PAGE1: variants seen among roughly 807,000 people sequenced by gnomAD.
PAGE1 encodes PAGE family member 1.
A neutral mutation model predicts 11.5 loss-of-function variants in PAGE1; 6 were observed. That is an observed-to-expected ratio of 0.52 (90% confidence interval 0.29 to 1.03). The LOEUF (loss-of-function observed/expected upper bound fraction) is 1.03, where lower values mean the gene tolerates loss of function less well. PAGE1 is among the 50% of genes least tolerant of loss of function. The pLI is 0.09. For missense variants in PAGE1, 120 were observed against 110.2 expected (o/e 1.09, Z -0.40); for synonymous variants, 42 against 40.2 (o/e 1.05, Z -0.17).
intron 5 of PAGE1, among the ~76,000 whole-genome samples, chrX:49,688,775 G>A (rs782359891): frequency 8.9e-6 from 1 of 112,006 alleles, no homozygotes; most frequent in Non-Finnish European, 1.9e-5. Flanking sequence ...ACCTGCATCC[G>A]TGCTTCAGCA....
Position 49,689,964 on chromosome X carries a change from T to G in PAGE1, c.293-421A>C, listed in dbSNP as rs188024220. 6.6e-3 allele frequency among the ~76,000 whole-genome samples: 385 copies of G among 58,471 alleles called. 29 individuals carry two copies. The highest frequency in any genetic ancestry group is 0.041 in the East Asian group (47 of 1,157). 50.8% of individuals were successfully genotyped at this position (58,471 alleles called of 115,157 possible). On this transcript the variant is annotated intron_variant, in intron 4 of 5. Transcript: ENST00000376150. ...ATGTGTGTATATACACACATATATA[T>G]GTGTATATATATGTGTGTATATACA...
intron 5 of PAGE1, among the ~76,000 whole-genome samples, chrX:49,689,109 G>A (rs1212258397): frequency 9.0e-6 from 1 of 111,175 alleles, no homozygotes; most frequent in Non-Finnish European, 1.9e-5. Context: ...AGTAGGCTGA[G>A]GTGGGTGGAT....
chrX:49,690,935 T>A (rs1342991873), intron 4 of PAGE1, among the ~76,000 whole-genome samples: 1 of 111,004 alleles, frequency 9.0e-6, no homozygotes, highest in East Asian at 2.8e-4. Context: ...CTCAGGACTT[T>A]GGGAGGCTAA....
chrX:49,695,086 C>T (rs1346822946), intron 1 of PAGE1, among the ~76,000 whole-genome samples: 2 of 112,896 alleles, frequency 1.8e-5, no homozygotes, highest in Admixed American at 9.3e-5. Flanking sequence ...CACTTCACTG[C>T]AGCCTCGACC....
chrX:49,687,611 T>A (rs782410899), intron 5 of PAGE1, 48 bp from the exon 6 acceptor site: 1 of 1,123,915 alleles, frequency 8.9e-7, no homozygotes, highest in Non-Finnish European at 1.2e-6. Context: ...CAGCAGATTA[T>A]TTAGATGACC....
chrX:49,694,753 T>C lies in PAGE1; in HGVS notation c.18A>G (p.Arg6=), dbSNP rs1057122927. Reference sequence around the variant, plus strand: ...TCATTGGTCTACGCCGATAGATTAATCTTCTTAGAAAACCCATATTTCACA... The same window carrying C: ...TCATTGGTCTACGCCGATAGATTAACCTTCTTAGAAAACCCATATTTCACA... MGFLR[R]LIYRRRPMIY... Residue 6 remains arginine, a synonymous_variant, in exon 2 of 6, where the codon AGA becomes AGG. Coordinates refer to ENST00000376150, the MANE Select transcript of PAGE1 (RefSeq NM_003785.4). The C allele has an allele frequency of 1.7e-6, 2 of 1,190,647 alleles. No homozygotes were observed. Among genetic ancestry groups the C allele is most frequent in the Non-Finnish European group, 2.3e-6 (2 of 879,446 alleles).
intron 3 of PAGE1, 39 bp downstream of exon 3, chrX:49,694,059 CA>C (rs781892511): frequency 1.3e-4 from 104 of 809,233 alleles, no homozygotes; most frequent in East Asian, 2.0e-4. Context: ...CACACACACA[CA>C]CACACCCCAA....
chrX:49,690,853 C>T (rs1320360294), intron 4 of PAGE1, among the ~76,000 whole-genome samples: 1 of 105,874 alleles, frequency 9.4e-6, no homozygotes, highest in African/African-American at 3.5e-5. Context: ...GGTGAAATCC[C>T]GTCTCTACTA....
At chrX:49,688,689 T>C (rs901250201) in intron 5 of PAGE1, among the ~76,000 whole-genome samples, 2 of 112,031 alleles carry the variant, frequency 1.8e-5, no homozygotes, top group Non-Finnish European at 1.9e-5. Context: ...TCACTATTTT[T>C]ATAAGACCAA....
intron 4 of PAGE1, among the ~76,000 whole-genome samples, chrX:49,690,694 G>C (rs190335381): frequency 9.0e-6 from 1 of 110,964 alleles, no homozygotes; most frequent in African/African-American, 3.3e-5. Context: ...ACGTGATCTT[G>C]AACTGGACTC....
At chrX:49,694,049 C>CAA in intron 3 of PAGE1, 50 bp downstream of exon 3, 1 of 701,057 alleles carries the variant, frequency 1.4e-6, no homozygotes, top group Non-Finnish European at 2.2e-6. Flanking sequence ...CACACACACA[C>CAA]ACACACACAC....
intron 5 of PAGE1, among the ~76,000 whole-genome samples, chrX:49,688,234 AT>A: frequency 8.9e-6 from 1 of 112,375 alleles, no homozygotes; most frequent in East Asian, 2.8e-4. Flanking sequence ...TATAAAAAAA[AT>A]TTTTTAACAA....
intron 3 of PAGE1, 77 bp from the exon 4 acceptor site, chrX:49,691,451 G>T (rs2066920277): frequency 2.4e-6 from 2 of 840,441 alleles, no homozygotes; most frequent in Non-Finnish European, 3.3e-6. Context: ...TCATGCTCTT[G>T]GTCTTATTAA....
At chrX:49,692,902 C>G (rs906440584) in intron 3 of PAGE1, among the ~76,000 whole-genome samples, 1 of 111,250 alleles carries the variant, frequency 9.0e-6, no homozygotes, top group African/African-American at 3.3e-5. Context: ...ACTATGATTT[C>G]ACAGCACTAA....
intron 4 of PAGE1, among the ~76,000 whole-genome samples, chrX:49,689,975 A>G (rs1458073676): frequency 1.7e-5 from 1 of 58,611 alleles, no homozygotes; most frequent in African/African-American, 6.9e-5. Context: ...GTGTATATAT[A>G]TGTGTGTATA....
intron 4 of PAGE1, among the ~76,000 whole-genome samples, chrX:49,690,123 GTA>G (rs781906891): frequency 2.1e-4 from 17 of 81,395 alleles, no homozygotes; most frequent in African/African-American, 8.2e-4. Flanking sequence ...ATATATATGT[GTA>G]TATATACACA....
chrX:49,689,444 G>A lies in PAGE1; in HGVS notation c.392C>T (p.Pro131Leu). The change falls in exon 5 of 6, where the codon CCA (proline) becomes CTA (leucine). Residue 131 changes from proline (P) to leucine (L), a missense_variant. Coordinates refer to ENST00000376150, the MANE Select transcript of PAGE1 (RefSeq NM_003785.4). ...TTCCTCAGGTGTTTTCACCTCCTCT[G>A]GATTTGGCAGGCCCAACTCCTGGAC... is the stretch of plus-strand genomic sequence containing the variant. ...PDVQELGLPNPEEVKTPEEDE... is the reference protein window; with the variant it reads ...PDVQELGLPNLEEVKTPEEDE... 1 of 1,090,270 alleles carries A rather than the reference G, an allele frequency of 9.2e-7. No individual in the cohort carries two copies. Among genetic ancestry groups the A allele is most frequent in the Non-Finnish European group, 1.2e-6 (1 of 826,915 alleles). 89.9% of individuals were successfully genotyped at this position (1,090,270 alleles called of 1,213,427 possible).
intron 2 of PAGE1, 26 bp downstream of exon 2, chrX:49,694,682 G>A (rs2066934346): frequency 1.9e-6 from 2 of 1,056,600 alleles, no homozygotes; most frequent in African/African-American, 3.7e-5. Flanking sequence ...TAACGTTAAA[G>A]CACTCAACAG....
rs1160374067 is a variant in PAGE1 at position 49,689,282 on chromosome X, A to G, written c.418+136T>C. On this transcript the variant is annotated intron_variant, in intron 5 of 5. Transcript: ENST00000376150. Reference sequence around the variant, plus strand: ...CTTGAACTTGGGAGGCAGAAGCTCCAGTGAGCCGAGATGGCACCACTGCAC... The same window carrying G: ...CTTGAACTTGGGAGGCAGAAGCTCCGGTGAGCCGAGATGGCACCACTGCAC... The G allele has an allele frequency of 4.6e-6, 3 of 653,001 alleles. No homozygotes were observed. In the East Asian group the frequency reaches 3.0e-4, roughly 66 times the overall value. The allele number at this position is 653,001 out of a possible 1,213,427, so 53.8% of individuals were successfully genotyped here. A position where few individuals can be genotyped will look rare whatever the true frequency, so the allele number is the denominator to read the frequency against.
Sources: gnomAD v4.1 joint callset for allele counts (sites outside exome capture counted in the v4.1 genomes callset) on GRCh38, gnomAD v4.1.1 for gene constraint, MANE v1.5 for transcripts, NCBI Gene and HGNC (gene_info 2026-07-23, HGNC 2026-07-21) for gene names.